The following DTNA variants were observed in gnomAD, a reference collection of about 807,000 sequenced individuals.
DTNA encodes the protein dystrophin-related protein 3.
In DTNA, 43 loss-of-function variants were observed where a neutral mutation model predicts 100.7. The ratio of observed to expected loss-of-function variants is 0.43; its 90% confidence interval spans 0.33 to 0.55. DTNA has a LOEUF of 0.55. DTNA is among the 20% of genes least tolerant of loss of function. DTNA has a pLI of 0.04. For missense variants in DTNA, 798 were observed against 953.9 expected (o/e 0.84, Z 2.15); for synonymous variants, 349 against 347.9 (o/e 1.00, Z -0.04).
intron 1 of DTNA, among the ~76,000 whole-genome samples, chr18:34,689,651 C>G (rs2079446265): frequency 6.6e-6 from 1 of 152,202 alleles, no homozygotes; most frequent in Non-Finnish European, 1.5e-5. Context: ...GGCAATCTGT[C>G]CCTTAGCAGA....
intron 1 of DTNA, among the ~76,000 whole-genome samples, chr18:34,504,414 AT>A (rs1488364102): frequency 6.6e-6 from 1 of 151,980 alleles, no homozygotes; most frequent in African/African-American, 2.4e-5. Context: ...ATTTATTCAT[AT>A]TTTTTGCTTA....
In DTNA at chr18:34,554,922, A is replaced by G. The variant is rs1280169591; in HGVS notation, c.-2+61408A>G. Among the ~76,000 whole-genome samples the G allele has an allele frequency of 4.1e-5, 6 of 147,454 alleles. No individual in the cohort carries two copies. In the East Asian group the frequency reaches 5.9e-4, roughly 15 times the overall value. ...GTTAGGGAGGATTCCCCCTTTTTCT[A>G]TTGATTGGAATAGTTTCAGAAGGAA... On this transcript the variant is annotated intron_variant, in intron 1 of 19. Transcript: ENST00000283365.
chr18:34,527,372 C>T (rs959858701), intron 1 of DTNA, among the ~76,000 whole-genome samples: 4 of 152,018 alleles, frequency 2.6e-5, no homozygotes, highest in Admixed American at 6.6e-5. Flanking sequence ...CATACAAAAG[C>T]ATATTTTAGT....
intron 1 of DTNA, among the ~76,000 whole-genome samples, chr18:34,612,328 C>T (rs2054384788): frequency 1.3e-5 from 2 of 152,328 alleles, no homozygotes; most frequent in Non-Finnish European, 2.9e-5. Context: ...ACCTAACTCA[C>T]TGCTACTGAC....
At chr18:34,831,005 C>A (rs1050879429) in intron 11 of DTNA, among the ~76,000 whole-genome samples, 9 of 152,216 alleles carry the variant, frequency 5.9e-5, no homozygotes, top group African/African-American at 2.2e-4. Flanking sequence ...AAGCCAGGTC[C>A]CAAAGGCTCT....
At chr18:34,635,520 A>T (rs9807153) in intron 1 of DTNA, among the ~76,000 whole-genome samples, 44,994 of 152,060 alleles carry the variant, frequency 0.3, 8,193 homozygotes, top group East Asian at 0.41. Flanking sequence ...ATCTTAAATC[A>T]TATTAATAAA....
At chr18:34,564,237 G>C (rs1354934094) in intron 1 of DTNA, among the ~76,000 whole-genome samples, 1 of 152,104 alleles carries the variant, frequency 6.6e-6, no homozygotes, top group Non-Finnish European at 1.5e-5. Flanking sequence ...TCACCTTCTG[G>C]GTTAAAGTGA....
At chr18:34,500,969 A>G (rs1440867461) in intron 1 of DTNA, among the ~76,000 whole-genome samples, 3 of 152,162 alleles carry the variant, frequency 2.0e-5, no homozygotes, top group African/African-American at 7.2e-5. Context: ...GTCCTATTGC[A>G]CTGGCTAGAA....
intron 4 of DTNA, among the ~76,000 whole-genome samples, chr18:34,803,747 G>T (rs1269207765): frequency 6.6e-6 from 1 of 152,134 alleles, no homozygotes; most frequent in Non-Finnish European, 1.5e-5. Flanking sequence ...GTAATGGGAG[G>T]ACAGGAATGC....
chr18:34,540,664 G>A (rs866724991), intron 1 of DTNA, among the ~76,000 whole-genome samples: 1 of 151,978 alleles, frequency 6.6e-6, no homozygotes, highest in Non-Finnish European at 1.5e-5. Flanking sequence ...GGGAAGTAAA[G>A]AACATATGGC....
chr18:34,684,555 C>A (rs1169806957), intron 1 of DTNA, among the ~76,000 whole-genome samples: 1 of 152,112 alleles, frequency 6.6e-6, no homozygotes, highest in Non-Finnish European at 1.5e-5. Context: ...CATTTATGGG[C>A]ATTTGGGTTG....
chr18:34,524,236 G>A (rs2042401672), intron 1 of DTNA, among the ~76,000 whole-genome samples: 1 of 152,222 alleles, frequency 6.6e-6, no homozygotes, highest in African/African-American at 2.4e-5. Flanking sequence ...ATAGTAAATT[G>A]CTGTGCTCTG....
chr18:34,589,879 G>A (rs1176598451), intron 1 of DTNA, among the ~76,000 whole-genome samples: 1 of 152,078 alleles, frequency 6.6e-6, no homozygotes, highest in Non-Finnish European at 1.5e-5. Context: ...TTCTGTGCCT[G>A]GCTTATTTCA....
At chr18:34,673,837 G>A (rs1394438293) in intron 1 of DTNA, among the ~76,000 whole-genome samples, 1 of 152,024 alleles carries the variant, frequency 6.6e-6, no homozygotes, top group African/African-American at 2.4e-5. Context: ...CACTTCTATT[G>A]ACGAAATATC....
chr18:34,578,244 CAT>C (rs1252977377), intron 1 of DTNA, among the ~76,000 whole-genome samples: 1 of 151,960 alleles, frequency 6.6e-6, no homozygotes, highest in Non-Finnish European at 1.5e-5. Context: ...AGCATTTTTA[CAT>C]ATGTTTGTTG....
chr18:34,769,549 A>G (rs1014333545), intron 3 of DTNA, among the ~76,000 whole-genome samples: 4 of 151,982 alleles, frequency 2.6e-5, no homozygotes, highest in Admixed American at 6.6e-5. Context: ...TAACAAAAAT[A>G]CCATAAACTG....
At chr18:34,591,333 A>G (rs1274295789) in intron 1 of DTNA, among the ~76,000 whole-genome samples, 1 of 152,258 alleles carries the variant, frequency 6.6e-6, no homozygotes, top group East Asian at 1.9e-4. Context: ...CAAGACAAAT[A>G]CAAAACATAT....
intron 1 of DTNA, among the ~76,000 whole-genome samples, chr18:34,514,854 C>T (rs55822240): frequency 0.097 from 14,814 of 152,038 alleles, 902 homozygotes; most frequent in Non-Finnish European, 0.14. Flanking sequence ...AGGCCTCACT[C>T]CTAACACCAT....
intron 1 of DTNA, among the ~76,000 whole-genome samples, chr18:34,579,468 T>C (rs1301239372): frequency 6.6e-6 from 1 of 152,206 alleles, no homozygotes. Flanking sequence ...TTGTCTCTTA[T>C]AGTATGTATT....
Sources: allele counts gnomAD v4.1 joint callset (sites outside exome capture counted in the v4.1 genomes callset), GRCh38; gene constraint gnomAD v4.1.1; transcripts MANE v1.5; gene names NCBI Gene and HGNC (gene_info 2026-07-23, HGNC 2026-07-21).